Variants in FAM118B observed in about 807,000 individuals in gnomAD.
FAM118B encodes protein FAM118B.
Under a neutral mutation model 38.5 loss-of-function variants are expected in FAM118B, and 24 were observed. The observed-to-expected ratio is 0.62, with a 90% confidence interval of 0.45 to 0.88. The LOEUF (loss-of-function observed/expected upper bound fraction) is 0.88. FAM118B is among the 40% of genes least tolerant of loss of function. The pLI, the probability that FAM118B is intolerant of heterozygous loss-of-function variation, is 0.00. For missense variants in FAM118B, 334 were observed against 420.0 expected (o/e 0.80, Z 1.79); for synonymous variants, 138 against 156.3 (o/e 0.88, Z 0.87).
chr11:126,250,666 T>C lies in FAM118B; in HGVS notation c.500T>C (p.Leu167Pro), dbSNP rs1950491244. The C allele has an allele frequency of 6.2e-7, 1 of 1,614,024 alleles. No homozygotes were observed. Among genetic ancestry groups the C allele is most frequent in the South Asian group, 1.1e-5 (1 of 91,092 alleles). The change falls in exon 5 of 9, where the codon CTC becomes CCC. Residue 167 changes from leucine (L) to proline (P), a missense_variant. Physicochemically the swap from Leu to Pro is moderately conservative, Grantham distance 98. This residue lies in a region of FAM118B where 240 missense variants were observed against 295.9 expected (regional missense o/e 0.81). Transcript: ENST00000533050. This position sits in a 1 kb window ranked among gnomAD's most constrained non-coding sequence, Gnocchi z 5.1. ...ALVLTTNFDN[L>P]LELYAADQGK... ...GTATTAACTACAAATTTTGATAATC[T>C]CTTGGAACTGTATGCAGCAGATCAG...
intron 8 of FAM118B, 113 bp from the exon 9 acceptor site, chr11:126,262,007 A>G: frequency 1.1e-6 from 1 of 949,588 alleles, no homozygotes; most frequent in Admixed American, 2.5e-5. Flanking sequence ...AGATTCCTAG[A>G]ATCTCCTGTC....
At chr11:126,260,205 G>T (rs1288956200) in intron 7 of FAM118B, among the ~76,000 whole-genome samples, 1 of 151,506 alleles carries the variant, frequency 6.6e-6, no homozygotes, top group Non-Finnish European at 1.5e-5. Flanking sequence ...GCTAATTTTT[G>T]TATTTTTTGT....
chr11:126,242,084 C>T (rs1024851684), intron 4 of FAM118B, among the ~76,000 whole-genome samples: 1 of 148,296 alleles, frequency 6.7e-6, no homozygotes, highest in Non-Finnish European at 1.5e-5. Context: ...AATCTCCATA[C>T]ACTTTATAAA....
chr11:126,222,862 G>C (rs1425979744), intron 1 of FAM118B, among the ~76,000 whole-genome samples: 1 of 152,354 alleles, frequency 6.6e-6, no homozygotes, highest in East Asian at 1.9e-4. Context: ...AAATAAATTA[G>C]ACACTGTACT....
intron 1 of FAM118B, among the ~76,000 whole-genome samples, chr11:126,220,356 TTC>T (rs908838598): frequency 6.6e-6 from 1 of 152,138 alleles, no homozygotes; most frequent in Admixed American, 6.5e-5. Flanking sequence ...GCTTTCTGTT[TTC>T]TCTCTCTCTC....
chr11:126,234,009 G>T (rs115187017), intron 2 of FAM118B, among the ~76,000 whole-genome samples: 4,595 of 152,216 alleles, frequency 0.03, 208 homozygotes, highest in African/African-American at 0.097. Flanking sequence ...TTGAGCCCAG[G>T]AGGCCGAGAC....
At chr11:126,226,610 C>G (rs912622607) in intron 1 of FAM118B, among the ~76,000 whole-genome samples, 13 of 152,248 alleles carry the variant, frequency 8.5e-5, no homozygotes, top group Non-Finnish European at 1.6e-4. Context: ...CTAGTCTACT[C>G]TCTTTCTCTT....
chr11:126,213,039 A>G (rs1399278175), intron 1 of FAM118B, among the ~76,000 whole-genome samples: 1 of 152,188 alleles, frequency 6.6e-6, no homozygotes, highest in South Asian at 2.1e-4. Flanking sequence ...TTTTCCCCCT[A>G]CACTGTAACT....
rs771810520 is a variant in FAM118B, at chr11:126,240,832, C to T, written c.127C>T (p.Leu43Phe). The T allele has an allele frequency of 3.1e-6, 5 of 1,611,660 alleles. No homozygotes were observed. Among genetic ancestry groups the T allele is most frequent in the Non-Finnish European group, 4.2e-6 (5 of 1,179,198 alleles). ...CTTAAAAACTAAGAAGCCTCGAGAA[C>T]TTGTGCTAGTGATTGGAACAGGCAT... The part of the protein sequence containing the change: ...PSLKTKKPRE[L>F]VLVIGTGISA... Residue 43 changes from leucine to phenylalanine, a missense_variant, in exon 4 of 9, where the codon CTT becomes TTT. By Grantham distance (22) the Leu-to-Phe change is conservative. This residue lies in a region of FAM118B where 240 missense variants were observed against 295.9 expected (regional missense o/e 0.81). Transcript: ENST00000533050.
In FAM118B at chr11:126,262,247, C is replaced by G. The variant is rs902014782; in HGVS notation, c.*114C>G. 1.6e-4 allele frequency: 195 copies of G among 1,216,666 alleles called. No homozygotes were observed. The highest frequency in any genetic ancestry group is 2.2e-4 in the Non-Finnish European group (181 of 828,714). The allele number at this position is 1,216,666 out of a possible 1,614,324, so 75.4% of individuals were successfully genotyped here. ...ACAATTCCCAGAAAGTAACAATAGC[C>G]AGAGGTTGAAGGGCGGGGTAGAAGA... is the stretch of plus-strand genomic sequence containing the variant. On this transcript the variant is annotated 3_prime_UTR_variant, in exon 9 of 9. Transcript: ENST00000533050.
At chr11:126,214,607 G>A (rs188581137) in intron 1 of FAM118B, 2 of 141,886 alleles carry the variant, frequency 1.4e-5, no homozygotes, top group African/African-American at 5.2e-5. Context: ...CTGCGCCAAT[G>A]TCACAGTCCA....
chr11:126,212,865 T>G (rs753166490), intron 1 of FAM118B, among the ~76,000 whole-genome samples: 5 of 152,152 alleles, frequency 3.3e-5, no homozygotes, highest in Non-Finnish European at 5.9e-5. Flanking sequence ...TTTGAAGCTT[T>G]TCGAGTAGGG....
At chr11:126,224,378 A>T (rs890467591) in intron 1 of FAM118B, among the ~76,000 whole-genome samples, 2 of 149,846 alleles carry the variant, frequency 1.3e-5, no homozygotes. Context: ...GGAGGCTAAG[A>T]TGGGAAGATT....
intron 1 of FAM118B, among the ~76,000 whole-genome samples, chr11:126,213,154 C>T (rs1397332461): frequency 6.6e-6 from 1 of 152,026 alleles, no homozygotes; most frequent in Non-Finnish European, 1.5e-5. Flanking sequence ...ATCCACTCAC[C>T]TGGCACATAG....
chr11:126,262,926 C>G lies in FAM118B; in HGVS notation c.*793C>G, dbSNP rs1950732227. On this transcript the variant is annotated 3_prime_UTR_variant, in exon 9 of 9. Transcript: ENST00000533050. ...AATCCTGTATAAAAGAACTCCAAGACCTAAAAGGCAATTTATTTATGAAAT... is the reference window on the plus strand; with the variant it reads ...AATCCTGTATAAAAGAACTCCAAGAGCTAAAAGGCAATTTATTTATGAAAT... 1 of 152,588 alleles carries G rather than the reference C, an allele frequency of 6.6e-6. No homozygotes were observed. Among genetic ancestry groups the G allele is most frequent in the Non-Finnish European group, 1.5e-5 (1 of 68,032 alleles). 9.5% of individuals were successfully genotyped at this position (152,588 alleles called of 1,614,324 possible). A position where few individuals can be genotyped will look rare whatever the true frequency, so the allele number is the denominator to read the frequency against.
At chr11:126,224,610 T>G (rs1358728183) in intron 1 of FAM118B, among the ~76,000 whole-genome samples, 1 of 151,220 alleles carries the variant, frequency 6.6e-6, no homozygotes, top group African/African-American at 2.4e-5. Context: ...TTAAATAGAA[T>G]GGGTAGAGTA....
At chr11:126,217,139 G>A (rs936852748) in intron 1 of FAM118B, among the ~76,000 whole-genome samples, 1 of 152,218 alleles carries the variant, frequency 6.6e-6, no homozygotes, top group Non-Finnish European at 1.5e-5. Flanking sequence ...CCACACAAAC[G>A]GGTAGCCTCA....
In FAM118B at chr11:126,249,751, A is replaced by AG. The variant is rs1418231711; in HGVS notation, c.340-755_340-754insG. Among the ~76,000 whole-genome samples the AG allele has an allele frequency of 3.5e-4, 53 of 149,610 alleles. 1 individual carries two copies. The South Asian group carries it at 4.9e-3, about 14-fold the overall frequency. On this transcript the variant is annotated intron_variant, in intron 4 of 8. Transcript: ENST00000533050. ...CGTCTCAAAAAAAAAAAAAAAAAAAAAAAGAAAAAGAAAAGGAGATGCCAA... is the reference window on the plus strand; with the variant it reads ...CGTCTCAAAAAAAAAAAAAAAAAAAAGAAAGAAAAAGAAAAGGAGATGCCAA...
chr11:126,261,128 G>A (rs1316143935), intron 7 of FAM118B: 1 of 330,466 alleles, frequency 3.0e-6, no homozygotes, highest in East Asian at 5.6e-5. Flanking sequence ...ACTGTTTAGG[G>A]ACAGCAGACA....
Sources: gnomAD v4.1 joint callset for allele counts (sites outside exome capture counted in the v4.1 genomes callset) on GRCh38, gnomAD v4.1.1 for gene constraint, gnomAD v4.1.1 regional missense constraint, Gnocchi (gnomAD v3.1) non-coding constraint, MANE v1.5 for transcripts, NCBI Gene and HGNC (gene_info 2026-07-23, HGNC 2026-07-21) for gene names.